LRMDA: variants seen among roughly 807,000 people sequenced by gnomAD.
LRMDA encodes leucine-rich melanocyte differentiation-associated protein.
A neutral mutation model predicts 29.8 loss-of-function variants in LRMDA; 18 were observed. That is an observed-to-expected ratio of 0.60 (90% CI 0.42 to 0.90). The LOEUF is 0.90. Ranked by LOEUF, LRMDA falls within the 40% of genes least tolerant of loss-of-function variation. The pLI is 0.00. For missense variants in LRMDA, 273 were observed against 273.9 expected (o/e 1.00, Z 0.02); for synonymous variants, 125 against 109.4 (o/e 1.14, Z -0.89).
chr10:76,121,667 C>T (rs558894856), intron 5 of LRMDA, among the ~76,000 whole-genome samples: 34 of 152,300 alleles, frequency 2.2e-4, no homozygotes, highest in African/African-American at 6.5e-4. Context: ...TTCCCCAGTA[C>T]GGTGAATTCC....
intron 6 of LRMDA, among the ~76,000 whole-genome samples, chr10:76,446,673 A>G (rs778100444): frequency 1.4e-4 from 22 of 152,286 alleles, no homozygotes; most frequent in Middle Eastern, 3.4e-3. Flanking sequence ...GAGCTATGTA[A>G]TTGTGTGATT....
rs562405206 is a variant in LRMDA at position 75,940,175 on chromosome 10, C to T, written c.132-95833C>T. Among the ~76,000 whole-genome samples, 9 of 152,044 alleles carry T rather than the reference C, an allele frequency of 5.9e-5. No homozygotes were observed. In the South Asian group the frequency reaches 6.2e-4, roughly 11 times the overall value. On this transcript the variant is annotated intron_variant, in intron 2 of 6. Coordinates refer to ENST00000611255, the MANE Select transcript of LRMDA (RefSeq NM_001305581.2). The stretch of plus-strand genomic sequence containing the variant: ...TTTACATTCTAGTAGTGGGAGGTAG[C>T]GATGGTGATGGAATATAAACAAAAT...
chr10:76,217,256 C>T (rs754456088), intron 5 of LRMDA, among the ~76,000 whole-genome samples: 32 of 152,138 alleles, frequency 2.1e-4, no homozygotes, highest in Non-Finnish European at 4.1e-4. Flanking sequence ...AATATAGTGA[C>T]ATGATTGAAG....
intron 2 of LRMDA, among the ~76,000 whole-genome samples, chr10:75,784,923 G>A (rs549109172): frequency 1.3e-5 from 2 of 152,252 alleles, no homozygotes; most frequent in East Asian, 3.9e-4. Flanking sequence ...TAGGGTCTTC[G>A]GGTAAATAGC....
intron 2 of LRMDA, among the ~76,000 whole-genome samples, chr10:75,576,483 G>C (rs960980972): frequency 6.6e-6 from 1 of 152,240 alleles, no homozygotes; most frequent in Non-Finnish European, 1.5e-5. Context: ...CAGCTCTGAA[G>C]AGAGCAGCAG....
At chr10:76,531,840 G>A (rs74781150) in intron 6 of LRMDA, among the ~76,000 whole-genome samples, 106 of 152,222 alleles carry the variant, frequency 7.0e-4, no homozygotes, top group African/African-American at 2.5e-3. Context: ...CTGGAAAAGT[G>A]TGTGTAGAAT....
intron 5 of LRMDA, among the ~76,000 whole-genome samples, chr10:76,174,545 A>C: frequency 6.6e-6 from 1 of 152,250 alleles, no homozygotes; most frequent in Middle Eastern, 3.4e-3. Flanking sequence ...TCTTATCCTC[A>C]TTGTTGTAGA....
intron 2 of LRMDA, among the ~76,000 whole-genome samples, chr10:75,737,508 G>A (rs542406195): frequency 4.1e-4 from 63 of 152,296 alleles, no homozygotes; most frequent in African/African-American, 1.3e-3. Context: ...GTTTGGCAGC[G>A]GTTGAGCAAG....
intron 2 of LRMDA, among the ~76,000 whole-genome samples, chr10:75,834,909 A>G (rs1844407338): frequency 6.6e-6 from 1 of 152,150 alleles, no homozygotes; most frequent in South Asian, 2.1e-4. Flanking sequence ...CAATGTTTCT[A>G]CTAACAGCCT....
intron 6 of LRMDA, among the ~76,000 whole-genome samples, chr10:76,532,188 C>A (rs181441571): frequency 6.6e-6 from 1 of 152,244 alleles, no homozygotes; most frequent in East Asian, 1.9e-4. Context: ...TCCCATACCC[C>A]CCGACAGGCC....
At chr10:76,130,446 T>G (rs1849966657) in intron 5 of LRMDA, among the ~76,000 whole-genome samples, 1 of 152,168 alleles carries the variant, frequency 6.6e-6, no homozygotes, top group Admixed American at 6.5e-5. Context: ...AACTTGTAAA[T>G]GGAGACTGAT....
intron 2 of LRMDA, among the ~76,000 whole-genome samples, chr10:75,890,623 G>T (rs1471912404): frequency 6.6e-6 from 1 of 152,160 alleles, no homozygotes; most frequent in Non-Finnish European, 1.5e-5. Flanking sequence ...ATGTGTGGGG[G>T]TCATGATGAT....
intron 2 of LRMDA, among the ~76,000 whole-genome samples, chr10:75,627,606 A>G (rs1317305223): frequency 6.6e-6 from 1 of 152,154 alleles, no homozygotes; most frequent in African/African-American, 2.4e-5. Flanking sequence ...GGCCTCAGTT[A>G]CTGCTGTGGG....
At chr10:76,382,445 G>A (rs1375840042) in intron 6 of LRMDA, among the ~76,000 whole-genome samples, 2 of 152,078 alleles carry the variant, frequency 1.3e-5, no homozygotes, top group East Asian at 1.9e-4. Flanking sequence ...CAGACATGCT[G>A]TCTGTTTCAC....
intron 2 of LRMDA, among the ~76,000 whole-genome samples, chr10:75,809,034 A>T (rs1429690132): frequency 6.6e-6 from 1 of 152,058 alleles, no homozygotes; most frequent in African/African-American, 2.4e-5. Flanking sequence ...CTTCTACTAG[A>T]GGGGCCCACC....
intron 2 of LRMDA, among the ~76,000 whole-genome samples, chr10:75,764,769 C>T (rs1843141057): frequency 6.6e-6 from 1 of 152,218 alleles, no homozygotes; most frequent in Non-Finnish European, 1.5e-5. Context: ...TCTCGGACCA[C>T]ATACCAGCAA....
chr10:75,568,553 A>G, intron 2 of LRMDA, among the ~76,000 whole-genome samples: 1 of 152,224 alleles, frequency 6.6e-6, no homozygotes, highest in East Asian at 1.9e-4. Context: ...ATGCTGGACT[A>G]GGAGTCAGAA....
At chr10:75,766,426 C>G (rs879394904) in intron 2 of LRMDA, among the ~76,000 whole-genome samples, 3 of 152,144 alleles carry the variant, frequency 2.0e-5, no homozygotes, top group Non-Finnish European at 2.9e-5. Flanking sequence ...CCCAGAATGA[C>G]ATTTGGTAGA....
chr10:75,462,051 C>G (rs1844592430), intron 2 of LRMDA, among the ~76,000 whole-genome samples: 1 of 152,192 alleles, frequency 6.6e-6, no homozygotes, highest in Admixed American at 6.5e-5. Context: ...AACGAAAGTG[C>G]CTTAAATGTC....
Sources: gnomAD v4.1 joint callset for allele counts (sites outside exome capture counted in the v4.1 genomes callset) on GRCh38, gnomAD v4.1.1 for gene constraint, MANE v1.5 for transcripts, NCBI Gene and HGNC (gene_info 2026-07-23, HGNC 2026-07-21) for gene names.